CLIC5: variants seen among roughly 807,000 people sequenced by gnomAD.
The protein encoded by CLIC5 is CLIC family member 5.
In CLIC5, 20 loss-of-function variants were observed where a neutral mutation model predicts 24.7. The ratio of observed to expected loss-of-function variants is 0.81; its 90% CI spans 0.57 to 1.18. CLIC5 has a LOEUF of 1.18. CLIC5 is among the 50% of genes most tolerant of loss of function. The pLI, the probability that CLIC5 is intolerant of heterozygous loss-of-function variation, is 0.00. For missense variants in CLIC5, 341 were observed against 326.1 expected, an observed-to-expected ratio of 1.05 and a Z score of -0.35; for synonymous variants, 159 against 135.6, an observed-to-expected ratio of 1.17 and a Z score of -1.20.
At chr6:46,019,662 CGGCCT>C (rs1270571751), upstream of CLIC5, among the ~76,000 whole-genome samples, 16 of 136,394 alleles carry the variant, frequency 1.2e-4, 1 homozygote, top group Admixed American at 1.2e-3. Flanking sequence ...GTCCGCAGTC[CGGCCT>C]GGGCGACAGA....
At chr6:46,118,752 C>T in the CLIC5 span, among the ~76,000 whole-genome samples, 1 of 152,236 alleles carries the variant, frequency 6.6e-6, no homozygotes, top group South Asian at 2.1e-4. Context: ...TATCTTGGTG[C>T]CTTTGTCAAT....
chr6:45,881,252 T>C (rs1581701200), intron 6 of CLIC5: 8 of 398,156 alleles, frequency 2.0e-5, no homozygotes, highest in East Asian at 1.4e-4. Context: ...AGGTTACATA[T>C]GGAGCCAACA....
chr6:46,112,352 T>C, the CLIC5 span, among the ~76,000 whole-genome samples: 1 of 152,210 alleles, frequency 6.6e-6, no homozygotes, highest in Non-Finnish European at 1.5e-5. Flanking sequence ...CTTTCACCTG[T>C]GAGTTTTATT....
intron 1 of CLIC5, among the ~76,000 whole-genome samples, chr6:45,979,064 C>T (rs185054742): frequency 4.6e-5 from 7 of 152,184 alleles, no homozygotes; most frequent in African/African-American, 9.6e-5. Context: ...ACAACAGCCA[C>T]GGACCAGGTT....
intron 4 of CLIC5, among the ~76,000 whole-genome samples, chr6:45,929,369 G>A (rs1763636284): frequency 6.6e-6 from 1 of 152,200 alleles, no homozygotes; most frequent in Non-Finnish European, 1.5e-5. Flanking sequence ...CCTCCATGAG[G>A]GAGGAGACGA....
intron 1 of CLIC5, among the ~76,000 whole-genome samples, chr6:46,031,090 T>C (rs553758918): frequency 1.3e-3 from 196 of 152,362 alleles, no homozygotes; most frequent in African/African-American, 4.3e-3. Flanking sequence ...CTACATTTAC[T>C]CATTTTATTC....
intron 5 of CLIC5, among the ~76,000 whole-genome samples, chr6:45,907,113 G>A (rs548003895): frequency 1.0e-3 from 157 of 152,234 alleles, no homozygotes; most frequent in Non-Finnish European, 1.9e-3. Flanking sequence ...TTTTCAAGGG[G>A]AATTATCCCA....
the CLIC5 span, among the ~76,000 whole-genome samples, chr6:46,092,056 G>T: frequency 6.6e-6 from 1 of 152,058 alleles, no homozygotes; most frequent in African/African-American, 2.4e-5. Flanking sequence ...CATTCTAGCC[G>T]GTGTGAGGTG....
At chr6:46,111,048 T>C in the CLIC5 span, among the ~76,000 whole-genome samples, 1 of 152,196 alleles carries the variant, frequency 6.6e-6, no homozygotes, top group Non-Finnish European at 1.5e-5. Flanking sequence ...TTGTTGGTAG[T>C]TTTTTAGTTT....
exon 1 of CLIC5, chr6:46,080,270 A>G: frequency 3.3e-6 from 5 of 1,531,956 alleles, no homozygotes; most frequent in Middle Eastern, 1.7e-4. Flanking sequence ...ATCTGTTTAC[A>G]GGGAGACCTG....
At chr6:45,923,362 C>T (rs924280180) in intron 4 of CLIC5, among the ~76,000 whole-genome samples, 1 of 152,168 alleles carries the variant, frequency 6.6e-6, no homozygotes, top group Non-Finnish European at 1.5e-5. Flanking sequence ...CTCAATTCTC[C>T]CTCCCCCAAA....
chr6:46,013,765 A>G (rs899157990), intron 1 of CLIC5, among the ~76,000 whole-genome samples: 13 of 152,206 alleles, frequency 8.5e-5, no homozygotes, highest in East Asian at 1.9e-4. Flanking sequence ...TAAAGAACCT[A>G]TTTGTGTTTC....
In CLIC5 at chr6:45,996,705, A is replaced by G. The variant is rs1432119657; in HGVS notation, c.63+18775T>C. On this transcript the variant is annotated intron_variant, in intron 1 of 5. Transcript: ENST00000339561. ...AAAAGTGGGCGAAGGATATGAACAG[A>G]CACTTCTCAAAAGAAGACATTTATG... Among the ~76,000 whole-genome samples, 7 of 152,152 alleles carry G rather than the reference A, an allele frequency of 4.6e-5. No individual in the cohort carries two copies. The East Asian group carries it at 1.3e-3, about 29-fold the overall frequency.
At chr6:46,062,319 A>T (rs1762306738) in intron 1 of CLIC5, among the ~76,000 whole-genome samples, 1 of 152,246 alleles carries the variant, frequency 6.6e-6, no homozygotes, top group African/African-American at 2.4e-5. Flanking sequence ...ACTTTTAACA[A>T]AAGGCATTCA....
At chr6:46,003,410 A>C (rs971728395) in intron 1 of CLIC5, among the ~76,000 whole-genome samples, 1 of 152,164 alleles carries the variant, frequency 6.6e-6, no homozygotes, top group Non-Finnish European at 1.5e-5. Context: ...GATGGGGATA[A>C]ATACCTTTGC....
chr6:46,000,176 G>A (rs1421683576), intron 1 of CLIC5, among the ~76,000 whole-genome samples: 1 of 152,154 alleles, frequency 6.6e-6, no homozygotes, highest in Non-Finnish European at 1.5e-5. Context: ...CTTCCCATCA[G>A]TAGTAGGCTA....
intron 1 of CLIC5, among the ~76,000 whole-genome samples, chr6:46,037,360 G>A (rs547964004): frequency 1.3e-5 from 2 of 152,188 alleles, no homozygotes; most frequent in South Asian, 4.2e-4. Context: ...GCTGAGAGAG[G>A]GGGCCAAAAG....
chr6:46,108,341 G>A, the CLIC5 span, among the ~76,000 whole-genome samples: 4 of 151,526 alleles, frequency 2.6e-5, 1 homozygote, highest in Admixed American at 2.6e-4. Flanking sequence ...GGAAGAGAGA[G>A]ATTTTGTTTG....
At chr6:45,917,279 A>T (rs1356415299) in intron 4 of CLIC5, among the ~76,000 whole-genome samples, 1 of 152,194 alleles carries the variant, frequency 6.6e-6, no homozygotes, top group Non-Finnish European at 1.5e-5. Context: ...GGGTTAACTC[A>T]GATAATGCAG....
Sources: gnomAD v4.1 joint callset for allele counts (sites outside exome capture counted in the v4.1 genomes callset) on GRCh38, gnomAD v4.1.1 for gene constraint, MANE v1.5 for transcripts, NCBI Gene and HGNC (gene_info 2026-07-23, HGNC 2026-07-21) for gene names.